PKIB: variants seen among roughly 807,000 people sequenced by gnomAD.
PKIB encodes PKI-beta.
A neutral mutation model predicts 4.5 loss-of-function variants in PKIB; 2 were observed. The observed-to-expected ratio is 0.44, with a 90% CI of 0.18 to 1.39. PKIB has a LOEUF of 1.39. PKIB is among the 40% of genes most tolerant of loss of function. The pLI, the probability that PKIB is intolerant of heterozygous loss-of-function variation, is 0.27. For missense variants in PKIB, 94 were observed against 92.6 expected (o/e 1.02, Z -0.06); for synonymous variants, 38 against 36.0 (o/e 1.06, Z -0.20).
Position 122,717,926 on chromosome 6 carries a change from T to G in PKIB, c.132T>G (p.Asp44Glu). Residue 44 changes from aspartate to glutamate, a missense_variant, in exon 4 of 5, where the codon GAT becomes GAG. By Grantham distance (45) the Asp-to-Glu change is conservative. Transcript: ENST00000368452. ...CAGCTGCCACAGACGGAACCTCAGA[T>G]TTGCCCCTCAAACTGGAGGCTCTCT... is the stretch of plus-strand genomic sequence containing the variant. ...QSSAATDGTS[D>E]LPLKLEALSV... 1.9e-6 allele frequency: 3 copies of G among 1,613,872 alleles called. No individual in the cohort carries two copies. Among genetic ancestry groups the G allele is most frequent in the Non-Finnish European group, 2.5e-6 (3 of 1,179,800 alleles).
chr6:122,577,813 G>A (rs1773591330), intron 2 of PKIB, among the ~76,000 whole-genome samples: 3 of 151,626 alleles, frequency 2.0e-5, no homozygotes, highest in Admixed American at 1.3e-4. Context: ...GGAGGCTGAG[G>A]CAGGAGAATG....
chr6:122,668,675 G>A (rs77313796), intron 2 of PKIB, among the ~76,000 whole-genome samples: 54 of 152,318 alleles, frequency 3.5e-4, no homozygotes, highest in Middle Eastern at 3.4e-3. Context: ...AAGAAGAACC[G>A]TTGGAGGGCC....
At chr6:122,564,147 T>G (rs1773112660) in intron 2 of PKIB, among the ~76,000 whole-genome samples, 1 of 152,148 alleles carries the variant, frequency 6.6e-6, no homozygotes, top group South Asian at 2.1e-4. Context: ...GAGGAAGGTT[T>G]CCCTTTCCCA....
intron 2 of PKIB, among the ~76,000 whole-genome samples, chr6:122,534,721 C>T (rs1353445496): frequency 6.6e-6 from 1 of 152,058 alleles, no homozygotes; most frequent in Non-Finnish European, 1.5e-5. Context: ...AGCCACTGAG[C>T]TCAAGTGATC....
chr6:122,496,753 T>C lies in PKIB; in HGVS notation c.-248+18814T>C, dbSNP rs191398186. 1.1e-3 allele frequency among the ~76,000 whole-genome samples: 175 copies of C among 152,298 alleles called. 1 individual carries two copies. Among genetic ancestry groups the C allele is most frequent in the African/African-American group, 4.0e-3 (166 of 41,562 alleles). ...TTAAAGTGACCAAGTCTATAAATTA[T>C]TGGCATTCCTAAAAGATAAGGATAC... On this transcript the variant is annotated intron_variant, in intron 2 of 6. Coordinates refer to the PKIB transcript ENST00000392491.
chr6:122,577,299 T>A (rs1277027188), intron 2 of PKIB, among the ~76,000 whole-genome samples: 3 of 152,212 alleles, frequency 2.0e-5, no homozygotes, highest in Non-Finnish European at 2.9e-5. Context: ...TGGAATAATT[T>A]TTCCTGGGAT....
intron 3 of PKIB, among the ~76,000 whole-genome samples, chr6:122,593,262 C>T (rs1774069485): frequency 6.6e-6 from 1 of 152,112 alleles, no homozygotes; most frequent in Non-Finnish European, 1.5e-5. Context: ...CCAGATGACC[C>T]GATATAATCC....
At chr6:122,590,548 C>G (rs1032859838) in intron 3 of PKIB, among the ~76,000 whole-genome samples, 5 of 152,088 alleles carry the variant, frequency 3.3e-5, no homozygotes, top group African/African-American at 1.2e-4. Context: ...TTTTCTCCCT[C>G]CAGTGGAAGT....
At chr6:122,551,762 A>G (rs1205656281) in intron 2 of PKIB, among the ~76,000 whole-genome samples, 2 of 152,076 alleles carry the variant, frequency 1.3e-5, no homozygotes, top group African/African-American at 4.8e-5. Flanking sequence ...TCCCAGTCCA[A>G]AGACCTCCTG....
At position 122,725,451 on chromosome 6, in the gene PKIB, G is replaced by A. The variant is rs1779919257; in HGVS notation, c.*256G>A. The A allele has an allele frequency of 2.6e-6, 1 of 384,388 alleles. No homozygotes were observed. The highest frequency in any genetic ancestry group is 4.1e-5 in the Admixed American group (1 of 24,578). The allele number at this position is 384,388 out of a possible 1,614,324, so 23.8% of individuals were successfully genotyped here. A position where few individuals can be genotyped will look rare whatever the true frequency, so the allele number is the denominator to read the frequency against. ...AAGAATAATACATGATCACAGAAAT[G>A]CATACCACTGTCTGTAAACCCAACA... is the stretch of plus-strand genomic sequence containing the variant. On this transcript the variant is annotated 3_prime_UTR_variant, in exon 5 of 5. Transcript: ENST00000368452.
At chr6:122,547,928 C>T (rs181004497) in intron 2 of PKIB, among the ~76,000 whole-genome samples, 1 of 152,254 alleles carries the variant, frequency 6.6e-6, no homozygotes. Context: ...TCTCCTTTGG[C>T]CTATCCTTGA....
chr6:122,667,963 T>G (rs1777298932), intron 2 of PKIB, among the ~76,000 whole-genome samples: 1 of 152,148 alleles, frequency 6.6e-6, no homozygotes, highest in Non-Finnish European at 1.5e-5. Flanking sequence ...TGTCATGAAA[T>G]GCAACCCCCA....
At chr6:122,573,818 C>T (rs571323980) in intron 2 of PKIB, among the ~76,000 whole-genome samples, 1 of 152,136 alleles carries the variant, frequency 6.6e-6, no homozygotes, top group Non-Finnish European at 1.5e-5. Context: ...CAACATCATA[C>T]TGAATGGGAA....
intron 2 of PKIB, among the ~76,000 whole-genome samples, chr6:122,638,834 G>A (rs1016448672): frequency 6.6e-6 from 1 of 152,128 alleles, no homozygotes; most frequent in Non-Finnish European, 1.5e-5. Context: ...CATTCATGAA[G>A]TTATATCCCT....
chr6:122,524,343 TTCCTCC>T (rs199816196), intron 2 of PKIB, among the ~76,000 whole-genome samples: 4 of 148,254 alleles, frequency 2.7e-5, no homozygotes, highest in South Asian at 2.1e-4. Flanking sequence ...CTTCTTCTTC[TTCCTCC>T]TCCTCCTCCT....
At chr6:122,721,978 G>C (rs1014310701) in intron 4 of PKIB, among the ~76,000 whole-genome samples, 20 of 152,048 alleles carry the variant, frequency 1.3e-4, no homozygotes, top group Middle Eastern at 3.2e-3. Flanking sequence ...TGAAATGACA[G>C]TAACAGGCTT....
chr6:122,725,345 C>A lies in PKIB; in HGVS notation c.*150C>A. The A allele has an allele frequency of 1.6e-6, 1 of 634,892 alleles. No homozygotes were observed. The highest frequency in any genetic ancestry group is 2.7e-6 in the Non-Finnish European group (1 of 364,652). 39.3% of individuals were successfully genotyped at this position (634,892 alleles called of 1,614,324 possible). A position where few individuals can be genotyped will look rare whatever the true frequency, so the allele number is the denominator to read the frequency against. On this transcript the variant is annotated 3_prime_UTR_variant, in exon 5 of 5. Coordinates refer to ENST00000368452, the MANE Select transcript of PKIB (RefSeq NM_181795.3). ...ATTAGATAATTGTGTTGTGATGCTA[C>A]TCACTTTGATTGCAATGATGATGTC...
intron 2 of PKIB, chr6:122,480,798 G>A (rs1775589645): frequency 6.6e-6 from 1 of 152,096 alleles, no homozygotes; most frequent in Non-Finnish European, 1.5e-5. Context: ...CTAAAGCTTA[G>A]TAGGTGTGCT....
intron 1 of PKIB, among the ~76,000 whole-genome samples, chr6:122,611,868 C>T (rs189491053): frequency 6.6e-6 from 1 of 152,200 alleles, no homozygotes; most frequent in East Asian, 1.9e-4. Context: ...GTCAATGCCC[C>T]CCTAGTGACA....
Sources: allele counts gnomAD v4.1 joint callset (sites outside exome capture counted in the v4.1 genomes callset), GRCh38; gene constraint gnomAD v4.1.1; transcripts MANE v1.5; gene names NCBI Gene and HGNC (gene_info 2026-07-23, HGNC 2026-07-21).